The following PRDM16 variants were observed in gnomAD, a reference collection of about 807,000 sequenced individuals.
PRDM16 encodes histone-lysine N-methyltransferase PRDM16.
Under a neutral mutation model 110.6 loss-of-function variants are expected in PRDM16, and 23 were observed. The observed-to-expected ratio is 0.21, with a 90% CI of 0.15 to 0.29. The LOEUF is 0.29. PRDM16 is among the 10% of genes least tolerant of loss of function. PRDM16 has a pLI of 1.00. For missense variants in PRDM16, 1,615 were observed against 1,794.3 expected (o/e 0.90, Z 1.81); for synonymous variants, 799 against 781.8 (o/e 1.02, Z -0.37).
chr1:3,331,898 G>T (rs1397903826), intron 3 of PRDM16, among the ~76,000 whole-genome samples: 1 of 152,242 alleles, frequency 6.6e-6, no homozygotes. Context: ...CCGGGCTCAT[G>T]ACACAGACAT....
chr1:3,336,482 ATG>A lies in PRDM16; in HGVS notation c.439-48664_439-48663del, dbSNP rs748103644. 4.0e-5 allele frequency among the ~76,000 whole-genome samples: 6 copies of A among 151,878 alleles called. No homozygotes were observed. In the East Asian group the frequency reaches 5.8e-4, roughly 15 times the overall value. Reference sequence around the variant, plus strand: ...CCTGTGTGTGTGCACATACATACACATGTGTGTTGGTGTGAGACTGAGCGTAT... The same window carrying A: ...CCTGTGTGTGTGCACATACATACACATGTGTTGGTGTGAGACTGAGCGTAT... On this transcript the variant is annotated intron_variant, in intron 3 of 16. Transcript: ENST00000270722.
chr1:3,165,385 G>GGACTCACCAGGGCTCAGGGACAGT (rs1643939913), intron 1 of PRDM16, among the ~76,000 whole-genome samples: 3 of 145,440 alleles, frequency 2.1e-5, no homozygotes, highest in South Asian at 2.2e-4. Context: ...TCAGAGACAG[G>GGACTCACCAGGGCTCAGGGACAGT]GACTCACCAG....
chr1:3,412,337 A>G lies in PRDM16; in HGVS notation c.2140A>G (p.Lys714Glu). ...CCCCGGCTTCATGGGGATGCAGGAG[A>G]AGAAGCTGGGCTCGCTCCCCTACCA... ...FGPGFMGMQE[K>E]KLGSLPYHSA... is the part of the protein sequence containing the mutation. The change falls in exon 9 of 17, where the codon AAG becomes GAG. Residue 714 changes from lysine (K) to glutamate (E), a missense_variant. Physicochemically the swap from Lys to Glu is moderately conservative, Grantham distance 56. Coordinates refer to ENST00000270722, the MANE Select transcript of PRDM16 (RefSeq NM_022114.4). 1 of 1,613,778 alleles carries G rather than the reference A, an allele frequency of 6.2e-7. No individual in the cohort carries two copies. Among genetic ancestry groups the G allele is most frequent in the Non-Finnish European group, 8.5e-7 (1 of 1,180,006 alleles).
rs1638295089 is a variant in PRDM16 at position 3,190,942 on chromosome 1, G to A, written c.387+4468G>A. Among the ~76,000 whole-genome samples the A allele has an allele frequency of 6.6e-6, 1 of 152,176 alleles. No individual in the cohort carries two copies. The highest frequency in any genetic ancestry group is 2.4e-5 in the African/African-American group (1 of 41,456). On this transcript the variant is annotated intron_variant, in intron 2 of 16. Coordinates refer to ENST00000270722, the MANE Select transcript of PRDM16 (RefSeq NM_022114.4). This position sits in a 1 kb window ranked among gnomAD's most constrained non-coding sequence, Gnocchi z 5.0. ...CCACCTGCCCCCGGCTGGGCCTTCA[G>A]CTGTGTGTCCAGGGTCCTGCAGCTT...
intron 3 of PRDM16, among the ~76,000 whole-genome samples, chr1:3,291,344 C>T (rs1305624728): frequency 1.3e-5 from 2 of 152,216 alleles, no homozygotes. Flanking sequence ...GGGACCCACC[C>T]TTCTTCCCCT....
Position 3,382,535 on chromosome 1 carries a change from C to T in PRDM16, c.439-2617C>T, listed in dbSNP as rs770279873. Among the ~76,000 whole-genome samples, 10 of 152,190 alleles carry T rather than the reference C, an allele frequency of 6.6e-5. No individual in the cohort carries two copies. The highest frequency in any genetic ancestry group is 2.6e-4 in the Admixed American group (4 of 15,292). On this transcript the variant is annotated intron_variant, in intron 3 of 16. Coordinates refer to ENST00000270722, the MANE Select transcript of PRDM16 (RefSeq NM_022114.4). The surrounding 1 kb of genome is among the most constrained non-coding windows in gnomAD (Gnocchi z 6.6). ...CCTGAGTCCTGAACAGCAGGGTGGCCACAGACTCCCCACCAAAGCGAGGCT... is the reference window on the plus strand; with the variant it reads ...CCTGAGTCCTGAACAGCAGGGTGGCTACAGACTCCCCACCAAAGCGAGGCT...
intron 6 of PRDM16, among the ~76,000 whole-genome samples, chr1:3,403,969 G>A (rs1643516871): frequency 6.6e-6 from 1 of 152,232 alleles, no homozygotes; most frequent in Admixed American, 6.5e-5. Flanking sequence ...GCCCTTCCCA[G>A]TAAACGCCGC....
chr1:3,235,571 G>A (rs897339393), intron 2 of PRDM16, among the ~76,000 whole-genome samples: 18 of 152,130 alleles, frequency 1.2e-4, no homozygotes, highest in African/African-American at 2.2e-4. Context: ...TGGAGCCTGC[G>A]CCCCAGGGGC....
chr1:3,161,649 C>T (rs994388435), intron 1 of PRDM16, among the ~76,000 whole-genome samples: 1 of 152,342 alleles, frequency 6.6e-6, no homozygotes, highest in East Asian at 1.9e-4. Flanking sequence ...GCCCGCCCGG[C>T]GCGGAGAGGC....
intron 3 of PRDM16, among the ~76,000 whole-genome samples, chr1:3,324,666 C>A (rs772458996): frequency 1.3e-5 from 2 of 151,862 alleles, no homozygotes; most frequent in East Asian, 3.9e-4. Flanking sequence ...CATGATCCTG[C>A]GGGCACAGGC....
At chr1:3,217,092 G>T (rs1255694495) in intron 2 of PRDM16, among the ~76,000 whole-genome samples, 1 of 152,236 alleles carries the variant, frequency 6.6e-6, no homozygotes. Flanking sequence ...TTTCCTCCAG[G>T]GCTCCGTGAC....
rs1056214993 is a variant in PRDM16 at position 3,437,701 on chromosome 1, G to A, written c.*3890G>A. 1.3e-5 allele frequency: 3 copies of A among 224,712 alleles called. No individual in the cohort carries two copies. The East Asian group carries it at 1.9e-4, about 14-fold the overall frequency. 13.9% of individuals were successfully genotyped at this position (224,712 alleles called of 1,614,324 possible). A position where few individuals can be genotyped will look rare whatever the true frequency, so the allele number is the denominator to read the frequency against. On this transcript the variant is annotated 3_prime_UTR_variant, in exon 17 of 17. Transcript: ENST00000270722. Reference sequence around the variant, plus strand: ...CCTCTGCTCCTTCCATTCCATTTTTGTGTTTGTTTTGTTCTTTTCTGTCAC... The same window carrying A: ...CCTCTGCTCCTTCCATTCCATTTTTATGTTTGTTTTGTTCTTTTCTGTCAC...
intron 2 of PRDM16, among the ~76,000 whole-genome samples, chr1:3,234,120 G>A (rs1639484979): frequency 6.6e-6 from 1 of 152,162 alleles, no homozygotes; most frequent in East Asian, 1.9e-4. Flanking sequence ...TGTGTTCAGG[G>A]CTTGGGCTCT....
intron 1 of PRDM16, among the ~76,000 whole-genome samples, chr1:3,156,991 T>C (rs207200): frequency 0.61 from 93,352 of 152,038 alleles, 31,000 homozygotes; most frequent in African/African-American, 0.88. Flanking sequence ...TAGCGTGTGG[T>C]GCAAGCTGTA....
At chr1:3,410,216 A>C (rs1326262385) in intron 8 of PRDM16, among the ~76,000 whole-genome samples, 1 of 152,000 alleles carries the variant, frequency 6.6e-6, no homozygotes, top group Non-Finnish European at 1.5e-5. Flanking sequence ...TAGAAAAACA[A>C]GAGGCAAAAG....
chr1:3,117,915 G>C (rs1642996428), intron 1 of PRDM16, among the ~76,000 whole-genome samples: 1 of 152,334 alleles, frequency 6.6e-6, no homozygotes, highest in Middle Eastern at 3.4e-3. Context: ...AAGAGGCAGG[G>C]CTTCCTGGTG....
In PRDM16 at chr1:3,255,372, G is replaced by A. The variant is rs1301391759; in HGVS notation, c.438+11235G>A. 6.6e-6 allele frequency among the ~76,000 whole-genome samples: 1 copy of A among 152,180 alleles called. No homozygotes were observed. The highest frequency in any genetic ancestry group is 1.5e-5 in the Non-Finnish European group (1 of 68,038). ...AGTGGGGTCCTGAGGGTCGCGTGCA[G>A]CACACAGCCTCCCAGACGGCTCTCA... On this transcript the variant is annotated intron_variant, in intron 3 of 16. Transcript: ENST00000270722. This position sits in a 1 kb window ranked among gnomAD's most constrained non-coding sequence, Gnocchi z 4.7.
chr1:3,360,755 C>T (rs936827855), intron 3 of PRDM16, among the ~76,000 whole-genome samples: 6 of 152,210 alleles, frequency 3.9e-5, no homozygotes, highest in East Asian at 1.9e-4. Context: ...TCCAACTGAC[C>T]GAGTGCTGTG....
intron 1 of PRDM16, among the ~76,000 whole-genome samples, chr1:3,162,626 T>G (rs1240384235): frequency 6.6e-6 from 1 of 152,220 alleles, no homozygotes; most frequent in Non-Finnish European, 1.5e-5. Context: ...CATTTAGGAT[T>G]GACAGCGGCG....
Sources: allele counts gnomAD v4.1 joint callset (sites outside exome capture counted in the v4.1 genomes callset), GRCh38; gene constraint gnomAD v4.1.1; non-coding constraint Gnocchi (gnomAD v3.1); transcripts MANE v1.5; gene names NCBI Gene and HGNC (gene_info 2026-07-23, HGNC 2026-07-21).